TMEM132C: variants seen among roughly 807,000 people sequenced by gnomAD.
TMEM132C encodes protein phosphatase 1, regulatory subunit 152.
A neutral mutation model predicts 61.4 loss-of-function variants in TMEM132C; 29 were observed. The observed-to-expected ratio is 0.47, with a 90% CI of 0.35 to 0.64. TMEM132C has a LOEUF of 0.64. Among genes scored for constraint, TMEM132C ranks in the 30% least tolerant of loss-of-function variants. The pLI, the probability that TMEM132C is intolerant of heterozygous loss-of-function variation, is 0.00. For synonymous variants in TMEM132C, 656 were observed against 633.1 expected (o/e 1.04, Z -0.54); for missense variants, 1,408 against 1,476.9 (o/e 0.95, Z 0.76).
At chr12:128,354,472 C>T (rs987423655) in intron 1 of TMEM132C, among the ~76,000 whole-genome samples, 46 of 150,358 alleles carry the variant, frequency 3.1e-4, no homozygotes, top group African/African-American at 1.1e-3. Flanking sequence ...TTTCTTCCTT[C>T]CTTCCTTTTC....
intron 2 of TMEM132C, among the ~76,000 whole-genome samples, chr12:128,458,468 G>A (rs1870422591): frequency 6.6e-6 from 1 of 152,034 alleles, no homozygotes; most frequent in African/African-American, 2.4e-5. Flanking sequence ...TTAGGGTTGT[G>A]TAATCACTTC....
At chr12:128,507,653 C>G (rs1872420992) in intron 2 of TMEM132C, among the ~76,000 whole-genome samples, 1 of 152,064 alleles carries the variant, frequency 6.6e-6, no homozygotes, top group South Asian at 2.1e-4. Flanking sequence ...GCCAGCAATC[C>G]TGAGTCATCA....
At chr12:128,458,567 C>G (rs1171392948) in intron 2 of TMEM132C, among the ~76,000 whole-genome samples, 1 of 152,076 alleles carries the variant, frequency 6.6e-6, no homozygotes, top group East Asian at 1.9e-4. Flanking sequence ...CACCAGGCAC[C>G]TTTCCCATCA....
intron 4 of TMEM132C, among the ~76,000 whole-genome samples, chr12:128,627,095 T>C (rs1345994192): frequency 6.6e-6 from 1 of 152,202 alleles, no homozygotes; most frequent in Non-Finnish European, 1.5e-5. Flanking sequence ...CTCCTCTTCA[T>C]TAAGGACTCC....
chr12:128,687,569 A>C (rs963128071), intron 5 of TMEM132C, among the ~76,000 whole-genome samples: 1 of 152,234 alleles, frequency 6.6e-6, no homozygotes, highest in Non-Finnish European at 1.5e-5. Context: ...CAGCACGTGC[A>C]AAGGCCCTGT....
chr12:128,540,919 G>A lies in TMEM132C; in HGVS notation c.975-3038G>A, dbSNP rs370147092. On this transcript the variant is annotated intron_variant, in intron 2 of 8. Coordinates refer to ENST00000435159, the MANE Select transcript of TMEM132C (RefSeq NM_001136103.3). ...CCAACTGCAAGCCCTGGCTTACTCTGTCTGTCTGTTTCTCTCTGTCTCTGT... is the reference window on the plus strand; with the variant it reads ...CCAACTGCAAGCCCTGGCTTACTCTATCTGTCTGTTTCTCTCTGTCTCTGT... 1.5e-5 allele frequency among the ~76,000 whole-genome samples: 2 copies of A among 132,354 alleles called. 1 individual carries two copies. Among genetic ancestry groups the A allele is most frequent in the Non-Finnish European group, 3.0e-5 (2 of 67,766 alleles). 86.8% of individuals were successfully genotyped at this position (132,354 alleles called of 152,430 possible).
chr12:128,314,160 G>T (rs1872071007), intron 1 of TMEM132C, among the ~76,000 whole-genome samples: 2 of 152,194 alleles, frequency 1.3e-5, no homozygotes, highest in Admixed American at 6.5e-5. Context: ...TTACTCAGTG[G>T]AGAAATCTGT....
At chr12:128,455,412 A>T (rs1475142824) in intron 2 of TMEM132C, among the ~76,000 whole-genome samples, 1 of 152,182 alleles carries the variant, frequency 6.6e-6, no homozygotes, top group East Asian at 1.9e-4. Flanking sequence ...CAGGTTCAGG[A>T]GGGGAATATG....
rs913043327 is a variant in TMEM132C, at chr12:128,707,545, T to C, written c.*1250T>C. On this transcript the variant is annotated 3_prime_UTR_variant, in exon 9 of 9. Coordinates refer to ENST00000435159, the MANE Select transcript of TMEM132C (RefSeq NM_001136103.3). ...AACAGCATAATTGTGTAGCAGCACA[T>C]TGCAAAAATGCATTCATCCAAAGCG... is the stretch of plus-strand genomic sequence containing the variant. 3.3e-5 allele frequency: 5 copies of C among 152,158 alleles called. No individual in the cohort carries two copies. The highest frequency in any genetic ancestry group is 4.2e-4 in the South Asian group (2 of 4,806). The allele number at this position is 152,158 out of a possible 1,614,324, so 9.4% of individuals were successfully genotyped here.
intron 1 of TMEM132C, among the ~76,000 whole-genome samples, chr12:128,347,818 G>A (rs986891770): frequency 5.3e-5 from 8 of 152,160 alleles, no homozygotes; most frequent in Non-Finnish European, 1.2e-4. Context: ...TCTACTTTTG[G>A]TTCTTTAAGG....
intron 4 of TMEM132C, among the ~76,000 whole-genome samples, chr12:128,651,852 A>C (rs1182149335): frequency 1.3e-5 from 2 of 149,512 alleles, no homozygotes; most frequent in Admixed American, 6.6e-5. Context: ...AACATGATGG[A>C]GTGGAGGAGA....
At chr12:128,316,998 A>G (rs1872174740) in intron 1 of TMEM132C, among the ~76,000 whole-genome samples, 1 of 152,188 alleles carries the variant, frequency 6.6e-6, no homozygotes, top group Non-Finnish European at 1.5e-5. Flanking sequence ...ACCCTTATGT[A>G]CTTTAGAATG....
chr12:128,328,644 G>C (rs1872592459), intron 1 of TMEM132C, among the ~76,000 whole-genome samples: 1 of 152,018 alleles, frequency 6.6e-6, no homozygotes, highest in Non-Finnish European at 1.5e-5. Flanking sequence ...AAAATTAGCT[G>C]AGTGTGGTGG....
At chr12:128,307,228 A>T (rs1230606013) in intron 1 of TMEM132C, among the ~76,000 whole-genome samples, 1 of 152,224 alleles carries the variant, frequency 6.6e-6, no homozygotes. Context: ...TAGACTGGAC[A>T]TAATTGGGGG....
At chr12:128,527,707 ATG>A (rs5801799) in intron 2 of TMEM132C, among the ~76,000 whole-genome samples, 265 of 147,134 alleles carry the variant, frequency 1.8e-3, no homozygotes, top group African/African-American at 5.5e-3. Context: ...ATGTGCATGT[ATG>A]TGTGTGTGTG....
intron 2 of TMEM132C, among the ~76,000 whole-genome samples, chr12:128,461,167 C>G (rs1255354973): frequency 6.6e-6 from 1 of 152,150 alleles, no homozygotes; most frequent in Non-Finnish European, 1.5e-5. Flanking sequence ...CTCCTGGCAG[C>G]TATTAATTCA....
chr12:128,623,392 C>A lies in TMEM132C; in HGVS notation c.1305+7057C>A, dbSNP rs559332093. Among the ~76,000 whole-genome samples, 5 of 150,886 alleles carry A rather than the reference C, an allele frequency of 3.3e-5. No homozygotes were observed. The South Asian group carries it at 1.0e-3, about 32-fold the overall frequency. ...CAAACCTGCACGTTGTGCACATGTA[C>A]CCTAGAACTTAAAGTATAAAGTATA... is the stretch of plus-strand genomic sequence containing the variant. On this transcript the variant is annotated intron_variant, in intron 4 of 8. Coordinates refer to ENST00000435159, the MANE Select transcript of TMEM132C (RefSeq NM_001136103.3).
intron 3 of TMEM132C, among the ~76,000 whole-genome samples, chr12:128,569,490 T>C (rs1222338116): frequency 6.6e-6 from 1 of 152,032 alleles, no homozygotes; most frequent in African/African-American, 2.4e-5. Flanking sequence ...ACAGCAAATA[T>C]ATACATAGTG....
chr12:128,454,161 T>C lies in TMEM132C; in HGVS notation c.974+38541T>C, dbSNP rs111276406. ...CTTGGGAAGGTATATAAGAAACTCTTAAGCACATTCACACATCGAATAATA... is the reference window on the plus strand; with the variant it reads ...CTTGGGAAGGTATATAAGAAACTCTCAAGCACATTCACACATCGAATAATA... On this transcript the variant is annotated intron_variant, in intron 2 of 8. Coordinates refer to ENST00000435159, the MANE Select transcript of TMEM132C (RefSeq NM_001136103.3). Among the ~76,000 whole-genome samples, 838 of 152,338 alleles carry C rather than the reference T, an allele frequency of 5.5e-3. 5 individuals are homozygous for C. The highest frequency in any genetic ancestry group is 0.02 in the African/African-American group (811 of 41,576).
Sources: gnomAD v4.1 joint callset for allele counts (sites outside exome capture counted in the v4.1 genomes callset) on GRCh38, gnomAD v4.1.1 for gene constraint, MANE v1.5 for transcripts, NCBI Gene and HGNC (gene_info 2026-07-23, HGNC 2026-07-21) for gene names.